Variants in SLC19A2 observed in about 807,000 individuals in gnomAD.
SLC19A2 encodes solute carrier family 19 member 2, also known as thiamine transporter 1.
A neutral mutation model predicts 44.7 loss-of-function variants in SLC19A2; 27 were observed. The observed-to-expected ratio is 0.60, with a 90% CI of 0.45 to 0.83. SLC19A2 has a LOEUF of 0.83. SLC19A2 is among the 40% of genes least tolerant of loss of function. The pLI, the probability that SLC19A2 is intolerant of heterozygous loss-of-function variation, is 0.00. For synonymous variants in SLC19A2, 239 were observed against 243.6 expected (o/e 0.98, Z 0.18); for missense variants, 566 against 613.7 (o/e 0.92, Z 0.82).
intron 2 of SLC19A2, among the ~76,000 whole-genome samples, chr1:169,471,698 G>GTGTGTGTGTGTGTGTGTGTGTGTGTA (rs1553212202): frequency 2.8e-4 from 41 of 146,974 alleles, no homozygotes; most frequent in Non-Finnish European, 5.2e-4. Flanking sequence ...GTGTGTGTGT[G>GTGTGTGTGTGTGTGTGTGTGTGTGTA]TATATATACA....
chr1:169,478,730 T>C (rs534434592), intron 1 of SLC19A2, among the ~76,000 whole-genome samples: 1 of 151,930 alleles, frequency 6.6e-6, no homozygotes, highest in African/African-American at 2.4e-5. Flanking sequence ...TAATTCATAA[T>C]ACTGGCTCTT....
At chr1:169,472,309 G>A (rs1001375633) in intron 2 of SLC19A2, among the ~76,000 whole-genome samples, 23 of 152,110 alleles carry the variant, frequency 1.5e-4, no homozygotes, top group African/African-American at 5.6e-4. Flanking sequence ...AATATAACTT[G>A]GAAAACAACT....
At chr1:169,466,042 T>C (rs1657978884) in intron 5 of SLC19A2, 65 bp from the exon 6 acceptor site, 4 of 1,592,752 alleles carry the variant, frequency 2.5e-6, no homozygotes, top group South Asian at 2.2e-5. Context: ...TAATAAAGTA[T>C]ATTCAGAATT....
Position 169,465,951 on chromosome 1 carries a change from T to G in SLC19A2, c.1392A>C (p.Ala464=), listed in dbSNP as rs1298640561. ...TQFLIYASYF[A]LIAVVFLASG... is the part of the protein sequence containing the mutation. ...TGGCCAGGAAAACCACAGCGATGAGTGCAAAATAACTGGCATAGATCAAAA... is the reference window on the plus strand; with the variant it reads ...TGGCCAGGAAAACCACAGCGATGAGGGCAAAATAACTGGCATAGATCAAAA... Residue 464 remains alanine, a synonymous_variant, in exon 6 of 6, where the codon GCA becomes GCC. Transcript: ENST00000236137. 1 of 1,614,040 alleles carries G rather than the reference T, an allele frequency of 6.2e-7. No homozygotes were observed. Among genetic ancestry groups the G allele is most frequent in the Admixed American group, 1.7e-5 (1 of 60,008 alleles).
rs1417805486 is a variant in SLC19A2 at position 169,464,726 on chromosome 1, T to C, written c.*1123A>G. ...ATCACTAGCAATTTTAAGCAAATAT[T>C]CAAGATGATCTACCTTTAGAAACAA... On this transcript the variant is annotated 3_prime_UTR_variant, in exon 6 of 6. Coordinates refer to ENST00000236137, the MANE Select transcript of SLC19A2 (RefSeq NM_006996.3). 6.6e-6 allele frequency: 1 copy of C among 152,530 alleles called. No individual in the cohort carries two copies. The highest frequency in any genetic ancestry group is 2.4e-5 in the African/African-American group (1 of 41,406). 9.4% of individuals were successfully genotyped at this position (152,530 alleles called of 1,614,324 possible).
rs1235634988 is a variant in SLC19A2, at chr1:169,468,782, C to T, written c.1085G>A (p.Gly362Glu). 1.9e-6 allele frequency: 3 copies of T among 1,613,776 alleles called. No homozygotes were observed. The highest frequency in any genetic ancestry group is 1.3e-5 in the African/African-American group (1 of 74,868). The change falls in exon 4 of 6, where the codon GGA becomes GAA. Residue 362 changes from glycine to glutamate, a missense_variant. By Grantham distance (98) the Gly-to-Glu change is moderately conservative. Transcript: ENST00000236137. The part of the protein sequence containing the change: ...GYIKISWSTW[G>E]EMTLSLFSLL... ...AGAAAAGAGAGATAATGTCATTTCT[C>T]CCCAAGTTGACCAGGATATTTTTAT...
At chr1:169,476,857 C>T (rs1658330678) in intron 2 of SLC19A2, among the ~76,000 whole-genome samples, 1 of 152,122 alleles carries the variant, frequency 6.6e-6, no homozygotes, top group Non-Finnish European at 1.5e-5. Flanking sequence ...GCCAAACACT[C>T]AAAAGATGAA....
At chr1:169,473,788 A>C (rs1268245740) in intron 2 of SLC19A2, among the ~76,000 whole-genome samples, 1 of 151,924 alleles carries the variant, frequency 6.6e-6, no homozygotes, top group Non-Finnish European at 1.5e-5. Flanking sequence ...AGAGAAAAGG[A>C]AAGATTGCTC....
chr1:169,485,715 C>T lies in SLC19A2; in HGVS notation c.52G>A (p.Val18Met), dbSNP rs574924879. 1.3e-6 allele frequency: 2 copies of T among 1,539,162 alleles called. No homozygotes were observed. Among genetic ancestry groups the T allele is most frequent in the South Asian group, 1.2e-5 (1 of 83,906 alleles). The part of the protein sequence containing the change: ...SRRAAAAAAT[V>M]LLRTARVRRE... The stretch of plus-strand genomic sequence containing the variant: ...CGGACCCGAGCGGTCCGCAGGAGCA[C>T]AGTGGCCGCCGCCGCCGCCGCCCGC... Residue 18 changes from valine (V) to methionine (M), a missense_variant, in exon 1 of 6, where the codon GTG becomes ATG. Physicochemically the swap from Val to Met is conservative, Grantham distance 21. Coordinates refer to ENST00000236137, the MANE Select transcript of SLC19A2 (RefSeq NM_006996.3).
In SLC19A2 at chr1:169,465,694, T is replaced by C. The variant is rs911621402; in HGVS notation, c.*155A>G. On this transcript the variant is annotated 3_prime_UTR_variant, in exon 6 of 6. Coordinates refer to ENST00000236137, the MANE Select transcript of SLC19A2 (RefSeq NM_006996.3). ...CTTCTGGCTCCTCTGAATAGTATCA[T>C]GTTATTCCCGGAACACAAGGTATTA... 3.7e-5 allele frequency: 28 copies of C among 759,730 alleles called. No homozygotes were observed. The highest frequency in any genetic ancestry group is 3.5e-4 in the African/African-American group (20 of 57,786). 47.1% of individuals were successfully genotyped at this position (759,730 alleles called of 1,614,324 possible). A position where few individuals can be genotyped will look rare whatever the true frequency, so the allele number is the denominator to read the frequency against.
intron 1 of SLC19A2, among the ~76,000 whole-genome samples, chr1:169,478,499 G>A (rs1658377799): frequency 2.0e-5 from 3 of 148,194 alleles, no homozygotes; most frequent in African/African-American, 5.0e-5. Flanking sequence ...TGGGACTACA[G>A]GCCTGTACTA....
intron 1 of SLC19A2, among the ~76,000 whole-genome samples, chr1:169,485,244 GC>G (rs1490869159): frequency 6.6e-6 from 1 of 152,064 alleles, no homozygotes; most frequent in Non-Finnish European, 1.5e-5. Flanking sequence ...TTGCCCCCTC[GC>G]CCCCAGCAGG....
At chr1:169,473,216 C>A (rs538050171) in intron 2 of SLC19A2, among the ~76,000 whole-genome samples, 1 of 152,046 alleles carries the variant, frequency 6.6e-6, no homozygotes, top group African/African-American at 2.4e-5. Context: ...TTTGAGTCAA[C>A]TAGATATGGG....
At chr1:169,473,751 G>T (rs1047303047) in intron 2 of SLC19A2, among the ~76,000 whole-genome samples, 1 of 140,796 alleles carries the variant, frequency 7.1e-6, no homozygotes, top group Non-Finnish European at 1.5e-5. Context: ...TGATGATGAT[G>T]AAGATGACCA....
intron 1 of SLC19A2, among the ~76,000 whole-genome samples, chr1:169,480,662 C>T (rs946748775): frequency 2.6e-5 from 4 of 152,098 alleles, no homozygotes; most frequent in African/African-American, 9.7e-5. Flanking sequence ...TTCACAATTT[C>T]CCCAACATAG....
chr1:169,472,854 A>G (rs1277208807), intron 2 of SLC19A2, among the ~76,000 whole-genome samples: 2 of 152,184 alleles, frequency 1.3e-5, no homozygotes, highest in African/African-American at 2.4e-5. Flanking sequence ...ATTACCTTTT[A>G]TGTTTCTTGT....
intron 1 of SLC19A2, among the ~76,000 whole-genome samples, chr1:169,483,511 G>A (rs10919175): frequency 3.3e-5 from 5 of 152,038 alleles, no homozygotes; most frequent in African/African-American, 1.2e-4. Context: ...CAAATCCCAC[G>A]CTTTTCCTCA....
Position 169,465,824 on chromosome 1 carries a change from T to C in SLC19A2, c.*25A>G. ...CAGTTGCTGTGCAGAGTTCTTGCTATAAGAAGAAGCCCTTCAGCAGTATAT... is the reference window on the plus strand; with the variant it reads ...CAGTTGCTGTGCAGAGTTCTTGCTACAAGAAGAAGCCCTTCAGCAGTATAT... On this transcript the variant is annotated 3_prime_UTR_variant, in exon 6 of 6. Coordinates refer to ENST00000236137, the MANE Select transcript of SLC19A2 (RefSeq NM_006996.3). 6.2e-7 allele frequency: 1 copy of C among 1,612,822 alleles called. No individual in the cohort carries two copies. The highest frequency in any genetic ancestry group is 1.3e-5 in the African/African-American group (1 of 75,038).
At chr1:169,474,293 A>G (rs1344854491) in intron 2 of SLC19A2, 8 of 152,222 alleles carry the variant, frequency 5.3e-5, no homozygotes, top group African/African-American at 1.9e-4. Context: ...AAAGATATCA[A>G]ACTACAAATA....
Sources: gnomAD v4.1 joint callset for allele counts (sites outside exome capture counted in the v4.1 genomes callset) on GRCh38, gnomAD v4.1.1 for gene constraint, MANE v1.5 for transcripts, NCBI Gene and HGNC (gene_info 2026-07-23, HGNC 2026-07-21) for gene names.